Variants in PNKD observed in about 807,000 individuals in gnomAD.
PNKD encodes the protein PNKD metallo-beta-lactamase domain containing.
Under a neutral mutation model 45.3 loss-of-function variants are expected in PNKD, and 36 were observed. That is an observed-to-expected ratio of 0.80 (90% CI 0.61 to 1.05). The LOEUF is 1.05. Among genes scored for constraint, PNKD ranks in the 50% least tolerant of loss-of-function variants. The pLI is 0.00. For synonymous variants in PNKD, 197 were observed against 210.1 expected (o/e 0.94, Z 0.54); for missense variants, 511 against 506.6 (o/e 1.01, Z -0.08).
Position 218,343,592 on chromosome 2 carries a change from A to G in PNKD, c.868+6A>G. 6.2e-7 allele frequency: 1 copy of G among 1,603,736 alleles called. No individual in the cohort carries two copies. The highest frequency in any genetic ancestry group is 8.5e-7 in the Non-Finnish European group (1 of 1,173,154). On this transcript the variant is annotated splice_donor_region_variant and intron_variant, in intron 8 of 9. Coordinates refer to ENST00000273077, the MANE Select transcript of PNKD (RefSeq NM_015488.5). Reference sequence around the variant, plus strand: ...TGACACCCTTCTGTGGCCTGGTGAGACACCCCCTTACTACTCCCCATCCTC... The same window carrying G: ...TGACACCCTTCTGTGGCCTGGTGAGGCACCCCCTTACTACTCCCCATCCTC...
chr2:218,270,946 G>A (rs1294718742), intron 1 of PNKD: 2 of 337,020 alleles, frequency 5.9e-6, no homozygotes, highest in African/African-American at 2.1e-5. Context: ...TTTGACCTTG[G>A]GCAAAGCAGT....
At chr2:218,275,998 C>G in intron 2 of PNKD, 1 of 1,604,696 alleles carries the variant, frequency 6.2e-7, no homozygotes, top group Non-Finnish European at 8.5e-7. Context: ...CCCTCAGCTC[C>G]CCTTCCTAGA....
chr2:218,273,263 G>A (rs1185052480), intron 2 of PNKD, among the ~76,000 whole-genome samples: 3 of 151,696 alleles, frequency 2.0e-5, no homozygotes, highest in Non-Finnish European at 4.4e-5. Context: ...TTCCTCATTT[G>A]TTTTGTTTTT....
chr2:218,344,319 G>A, intron 8 of PNKD, 136 bp from the exon 9 acceptor site: 1 of 701,762 alleles, frequency 1.4e-6, no homozygotes. Context: ...CCTGGCAGTT[G>A]GGGTTTTCCT....
chr2:218,279,401 T>G (rs1691626999), intron 2 of PNKD: 1 of 1,498,552 alleles, frequency 6.7e-7, no homozygotes, highest in African/African-American at 1.4e-5. Context: ...ACCCCTGGCC[T>G]GCCCCAGGAA....
At chr2:218,341,072 T>C (rs1030415089) in intron 5 of PNKD, among the ~76,000 whole-genome samples, 7 of 152,236 alleles carry the variant, frequency 4.6e-5, no homozygotes, top group African/African-American at 1.7e-4. Flanking sequence ...ACAAAAGTTA[T>C]GACTCTTCCA....
intron 6 of PNKD, 155 bp from the exon 7 acceptor site, chr2:218,341,826 G>A: frequency 1.3e-6 from 1 of 772,866 alleles, no homozygotes; most frequent in East Asian, 2.7e-5. Flanking sequence ...GAAAGGGGGA[G>A]GGTTCGGACC....
chr2:218,294,900 A>G (rs1171093991), intron 2 of PNKD, among the ~76,000 whole-genome samples: 8 of 152,210 alleles, frequency 5.3e-5, no homozygotes. Context: ...CAACAAATGA[A>G]TGGAGTGGGG....
chr2:218,273,200 A>T (rs1690921930), intron 2 of PNKD, among the ~76,000 whole-genome samples: 1 of 152,208 alleles, frequency 6.6e-6, no homozygotes, highest in African/African-American at 2.4e-5. Flanking sequence ...TGTGGAGGCA[A>T]AAAAAAGCAC....
At chr2:218,278,606 T>C (rs1484089959) in intron 2 of PNKD, 3 of 1,610,552 alleles carry the variant, frequency 1.9e-6, no homozygotes. Context: ...GGCCCAAATC[T>C]GCCCCGCTTG....
At chr2:218,274,126 C>T (rs1690985388) in intron 2 of PNKD, 1 of 154,924 alleles carries the variant, frequency 6.5e-6, no homozygotes, top group Admixed American at 6.5e-5. Flanking sequence ...TGGGACAGCC[C>T]AAGCCAGAAT....
At chr2:218,303,655 CA>C (rs1693333001) in intron 2 of PNKD, among the ~76,000 whole-genome samples, 1 of 147,056 alleles carries the variant, frequency 6.8e-6, no homozygotes, top group African/African-American at 2.5e-5. Context: ...CGGCTCACTG[CA>C]ACCTCTGCCT....
At chr2:218,334,325 C>T (rs903371923) in intron 2 of PNKD, among the ~76,000 whole-genome samples, 2 of 152,000 alleles carry the variant, frequency 1.3e-5, no homozygotes, top group African/African-American at 2.4e-5. Flanking sequence ...TGCTGTTGCC[C>T]TTTCTCTGAT....
intron 2 of PNKD, among the ~76,000 whole-genome samples, chr2:218,282,687 G>A (rs1692143707): frequency 6.6e-6 from 1 of 152,236 alleles, no homozygotes; most frequent in Non-Finnish European, 1.5e-5. Flanking sequence ...TCAAAGTGGA[G>A]AGCCGGGGGA....
intron 2 of PNKD, among the ~76,000 whole-genome samples, chr2:218,327,441 G>C (rs1316068397): frequency 6.6e-6 from 1 of 152,118 alleles, no homozygotes; most frequent in Non-Finnish European, 1.5e-5. Flanking sequence ...GGCAGGAGGG[G>C]AGCAGGATCC....
At chr2:218,323,546 T>C in intron 2 of PNKD, 5 of 894,288 alleles carry the variant, frequency 5.6e-6, no homozygotes, top group East Asian at 6.0e-5. Flanking sequence ...AGGGGCTTGG[T>C]CTAAGGGAAG....
intron 2 of PNKD, among the ~76,000 whole-genome samples, chr2:218,307,314 A>T (rs747047396): frequency 6.6e-6 from 1 of 151,900 alleles, no homozygotes; most frequent in Non-Finnish European, 1.5e-5. Context: ...TTATTATTAC[A>T]TTGTAATATA....
Position 218,344,929 on chromosome 2 carries a change from C to T in PNKD, c.1106C>T (p.Ala369Val), listed in dbSNP as rs1170556179. The change falls in exon 10 of 10, where the codon GCC (alanine) becomes GTC (valine). Residue 369 changes from alanine to valine, a missense_variant. Transcript: ENST00000273077. ...ACTGGGGATGATGACTACTCCCGGG[C>T]CCAGCTCCTGGAAGAGCTCCGCCGG... ...GPTGDDDYSR[A>V]QLLEELRRLK... is the part of the protein sequence containing the mutation. 6.2e-7 allele frequency: 1 copy of T among 1,613,862 alleles called. No individual in the cohort carries two copies. Among genetic ancestry groups the T allele is most frequent in the African/African-American group, 1.3e-5 (1 of 74,914 alleles).
Position 218,344,869 on chromosome 2 carries a change from C to A in PNKD, c.1046C>A (p.Ala349Glu). ...CCGTTCCTGAGAACCCACTGCCTGG[C>A]GCTACAGGAGGCTCTGGGGCCGGGG... ...YNPFLRTHCLALQEALGPGPG... is the reference protein window; with the variant it reads ...YNPFLRTHCLELQEALGPGPG... The change falls in exon 10 of 10, where the codon GCG (alanine) becomes GAG (glutamate). Residue 349 changes from alanine (A) to glutamate (E), a missense_variant. By Grantham distance (107) the Ala-to-Glu change is moderately radical. Transcript: ENST00000273077. 1 of 1,613,946 alleles carries A rather than the reference C, an allele frequency of 6.2e-7. No individual in the cohort carries two copies. Among genetic ancestry groups the A allele is most frequent in the Non-Finnish European group, 8.5e-7 (1 of 1,179,812 alleles).
Sources: allele counts gnomAD v4.1 joint callset (sites outside exome capture counted in the v4.1 genomes callset), GRCh38; gene constraint gnomAD v4.1.1; transcripts MANE v1.5; gene names NCBI Gene and HGNC (gene_info 2026-07-23, HGNC 2026-07-21).